Variants in TSHZ3 observed in about 807,000 individuals in gnomAD.
The protein encoded by TSHZ3 is teashirt zinc finger homeobox 3, also known as teashirt homolog 3.
In TSHZ3, 10 loss-of-function variants were observed where a neutral mutation model predicts 64.5. The observed-to-expected ratio is 0.16, with a 90% CI of 0.10 to 0.26. TSHZ3 has a LOEUF of 0.26. TSHZ3 is among the 10% of genes least tolerant of loss of function. The pLI is 1.00. For missense variants in TSHZ3, 1,242 were observed against 1,421.7 expected (o/e 0.87, Z 2.03); for synonymous variants, 608 against 593.1 (o/e 1.03, Z -0.36).
At chr19:31,165,760 C>T (rs1316268171) in intron 5 of TSHZ3, among the ~76,000 whole-genome samples, 2 of 152,078 alleles carry the variant, frequency 1.3e-5, no homozygotes, top group African/African-American at 2.4e-5. Context: ...TGTAACTCCC[C>T]GTGTAAATTT....
At chr19:31,332,611 G>A (rs988585140) in intron 1 of TSHZ3, among the ~76,000 whole-genome samples, 1 of 152,036 alleles carries the variant, frequency 6.6e-6, no homozygotes, top group Non-Finnish European at 1.5e-5. Context: ...CAGTTTGGTG[G>A]GGACTCCAGT....
chr19:31,348,018 GGAAGA>G (rs1157284920), intron 1 of TSHZ3, among the ~76,000 whole-genome samples: 14 of 152,170 alleles, frequency 9.2e-5, no homozygotes, highest in African/African-American at 3.1e-4. Context: ...GTAAAAGAAA[GGAAGA>G]GAAAAGAAAA....
chr19:31,334,069 A>G (rs189346812), intron 1 of TSHZ3, among the ~76,000 whole-genome samples: 6 of 152,230 alleles, frequency 3.9e-5, no homozygotes, highest in Admixed American at 2.0e-4. Context: ...AACCAAGAAC[A>G]TGCTGTTATT....
intron 1 of TSHZ3, among the ~76,000 whole-genome samples, chr19:31,301,810 C>T (rs2145143655): frequency 1.3e-5 from 2 of 152,278 alleles, no homozygotes; most frequent in South Asian, 4.1e-4. Context: ...GAGCACTCTG[C>T]TGTACGTTTT....
At chr19:31,194,256 A>G (rs539365448) in intron 5 of TSHZ3, among the ~76,000 whole-genome samples, 1 of 152,180 alleles carries the variant, frequency 6.6e-6, no homozygotes, top group Non-Finnish European at 1.5e-5. Flanking sequence ...CTGGAGCTGG[A>G]CCAGGTTCCC....
intron 5 of TSHZ3, among the ~76,000 whole-genome samples, chr19:31,179,587 T>C (rs972041131): frequency 6.6e-6 from 1 of 151,938 alleles, no homozygotes; most frequent in Non-Finnish European, 1.5e-5. Flanking sequence ...ACAGTGATAA[T>C]TGTGGTGGTG....
At chr19:31,314,554 A>G (rs1599643191) in intron 1 of TSHZ3, among the ~76,000 whole-genome samples, 1 of 152,318 alleles carries the variant, frequency 6.6e-6, no homozygotes, top group Non-Finnish European at 1.5e-5. Context: ...TTGTGATACT[A>G]CATTCTTGTG....
intron 6 of TSHZ3, among the ~76,000 whole-genome samples, chr19:31,154,642 A>G (rs551619595): frequency 6.6e-5 from 10 of 152,334 alleles, no homozygotes; most frequent in Admixed American, 3.9e-4. Flanking sequence ...AATCTCACAG[A>G]TTGAATCTCA....
intron 1 of TSHZ3, among the ~76,000 whole-genome samples, chr19:31,285,246 G>A (rs901624922): frequency 3.3e-5 from 5 of 152,130 alleles, no homozygotes; most frequent in African/African-American, 9.7e-5. Context: ...TTGGGAGGCC[G>A]AGGTGGAAGA....
At position 31,180,343 on chromosome 19, in the gene TSHZ3, T is replaced by C. The variant is rs531131784; in HGVS notation, n.810-23926A>G. 5.3e-5 allele frequency among the ~76,000 whole-genome samples: 8 copies of C among 152,304 alleles called. No homozygotes were observed. In the South Asian group the frequency reaches 1.7e-3, roughly 32 times the overall value. On this transcript the variant is annotated intron_variant and non_coding_transcript_variant, in intron 5 of 6. Coordinates refer to the TSHZ3 transcript ENST00000651361. ...GCTTTCTACAGAGCCTGGCCCACCATAGGCACTTAGCAAATGTTGGAGATA... is the reference window on the plus strand; with the variant it reads ...GCTTTCTACAGAGCCTGGCCCACCACAGGCACTTAGCAAATGTTGGAGATA...
At chr19:31,167,543 C>T (rs1276903425) in intron 5 of TSHZ3, 1 of 152,100 alleles carries the variant, frequency 6.6e-6, no homozygotes, top group Non-Finnish European at 1.5e-5. Flanking sequence ...GGGTTTTCAA[C>T]TGCATCTCTA....
intron 1 of TSHZ3, among the ~76,000 whole-genome samples, chr19:31,254,272 C>T (rs1975879113): frequency 6.6e-6 from 1 of 152,190 alleles, no homozygotes; most frequent in Admixed American, 6.5e-5. Flanking sequence ...GTTAGGGATG[C>T]TGGGTACCCT....
intron 1 of TSHZ3, among the ~76,000 whole-genome samples, chr19:31,301,133 A>C (rs1396788929): frequency 2.0e-5 from 3 of 152,038 alleles, no homozygotes; most frequent in African/African-American, 7.2e-5. Context: ...AGTGATGGTG[A>C]GACAGGGAAG....
intron 1 of TSHZ3, among the ~76,000 whole-genome samples, chr19:31,326,988 TC>T (rs1916950146): frequency 6.6e-6 from 1 of 151,996 alleles, no homozygotes; most frequent in Admixed American, 6.6e-5. Flanking sequence ...AGAGAAGGCA[TC>T]CTGGAGAGAA....
At chr19:31,230,506 A>G (rs1299277279) in intron 3 of TSHZ3, among the ~76,000 whole-genome samples, 1 of 151,960 alleles carries the variant, frequency 6.6e-6, no homozygotes, top group African/African-American at 2.4e-5. Flanking sequence ...TCCTGCAGAG[A>G]AGTCAGGTAT....
chr19:31,217,414 G>A (rs183265849), intron 4 of TSHZ3, among the ~76,000 whole-genome samples: 9 of 152,194 alleles, frequency 5.9e-5, no homozygotes, highest in Non-Finnish European at 1.2e-4. Flanking sequence ...TATTTAAAGT[G>A]CAAAGCAAAT....
chr19:31,165,431 T>C (rs564443911), intron 5 of TSHZ3, among the ~76,000 whole-genome samples: 8 of 152,170 alleles, frequency 5.3e-5, no homozygotes, highest in Admixed American at 1.3e-4. Context: ...TGCAAAAAGA[T>C]CTTTGGGTGG....
chr19:31,245,550 G>T (rs1004379638), intron 1 of TSHZ3, among the ~76,000 whole-genome samples: 3 of 152,160 alleles, frequency 2.0e-5, no homozygotes, highest in African/African-American at 7.2e-5. Context: ...CCTGGTAACA[G>T]AATGCTTCTG....
At chr19:31,236,010 G>T (rs916188423) in intron 3 of TSHZ3, among the ~76,000 whole-genome samples, 26 of 152,062 alleles carry the variant, frequency 1.7e-4, no homozygotes, top group South Asian at 1.2e-3. Flanking sequence ...CCACGTATTT[G>T]TTATTCATTC....
Sources: allele counts gnomAD v4.1 joint callset (sites outside exome capture counted in the v4.1 genomes callset), GRCh38; gene constraint gnomAD v4.1.1; transcripts MANE v1.5; gene names NCBI Gene and HGNC (gene_info 2026-07-23, HGNC 2026-07-21).